The following SLC7A11 variants were observed in gnomAD, a reference collection of about 807,000 sequenced individuals.
SLC7A11 encodes the protein solute carrier family 7 member 11, also known as cystine/glutamate transporter.
SLC7A11 carries 35 observed loss-of-function variants against 54.5 expected under a neutral mutation model. The observed-to-expected ratio is 0.64, with a 90% CI of 0.49 to 0.85. The LOEUF (loss-of-function observed/expected upper bound fraction) is 0.85, where lower values mean the gene tolerates loss of function less well. SLC7A11 is among the 40% of genes least tolerant of loss of function. The pLI, the probability that SLC7A11 is intolerant of heterozygous loss-of-function variation, is 0.00. For missense variants in SLC7A11, 583 were observed against 618.1 expected, an observed-to-expected ratio of 0.94 and a Z score of 0.60; for synonymous variants, 230 against 225.2, an observed-to-expected ratio of 1.02 and a Z score of -0.19.
intron 3 of SLC7A11, among the ~76,000 whole-genome samples, chr4:138,230,096 A>T (rs1317630342): frequency 6.6e-6 from 1 of 152,168 alleles, no homozygotes; most frequent in Non-Finnish European, 1.5e-5. Flanking sequence ...TCTGACTGTG[A>T]TCATGTCTTC....
At chr4:138,219,936 C>A (rs1025984904) in intron 4 of SLC7A11, among the ~76,000 whole-genome samples, 1 of 104,636 alleles carries the variant, frequency 9.6e-6, no homozygotes, top group African/African-American at 3.2e-5. Context: ...AAACTGCAAG[C>A]CTTTCTTTTT....
Position 138,179,323 on chromosome 4 carries a change from G to T in SLC7A11, c.1338C>A (p.Asp446Glu), listed in dbSNP as rs1414792259. ...CGAAGCCAATCCCTGTACTAAATGG[G>T]TCCGAATAGAGGGAAAGGGCAACCA... ...LFMVALSLYSDPFSTGIGFVI... is the reference protein window; with the variant it reads ...LFMVALSLYSEPFSTGIGFVI... Residue 446 changes from aspartate to glutamate, a missense_variant, in exon 11 of 12, where the codon GAC becomes GAA. Transcript: ENST00000280612. 1 of 1,612,676 alleles carries T rather than the reference G, an allele frequency of 6.2e-7. No homozygotes were observed. Among genetic ancestry groups the T allele is most frequent in the East Asian group, 2.2e-5 (1 of 44,806 alleles).
intron 11 of SLC7A11, among the ~76,000 whole-genome samples, chr4:138,173,648 A>AG (rs1736493951): frequency 6.6e-6 from 1 of 151,918 alleles, no homozygotes. Context: ...AAAAAAAAAA[A>AG]GTATTTTTTT....
chr4:138,191,330 A>G (rs1481050553), intron 6 of SLC7A11, among the ~76,000 whole-genome samples: 1 of 152,186 alleles, frequency 6.6e-6, no homozygotes, highest in Non-Finnish European at 1.5e-5. Context: ...TTTAAATTTC[A>G]ATACCACTGA....
At chr4:138,235,414 A>T (rs928248869) in intron 2 of SLC7A11, among the ~76,000 whole-genome samples, 78 of 152,230 alleles carry the variant, frequency 5.1e-4, no homozygotes, top group African/African-American at 1.5e-3. Flanking sequence ...GGTTAAAAAA[A>T]AAAAGACTTC....
Position 138,242,152 on chromosome 4 carries a change from G to A in SLC7A11, c.-83C>T, listed in dbSNP as rs142859237. On this transcript the variant is annotated 5_prime_UTR_variant, in exon 1 of 12. Coordinates refer to ENST00000280612, the MANE Select transcript of SLC7A11 (RefSeq NM_014331.4). ...TTGGTGTCTCTTGGTGTTACTGATC[G>A]ATGTCTTCCTCTGCTTTCAGACTGT... The A allele has an allele frequency of 6.7e-4, 973 of 1,443,566 alleles. 1 individual carries two copies. Among genetic ancestry groups the A allele is most frequent in the Non-Finnish European group, 8.0e-4 (855 of 1,066,020 alleles). The allele number at this position is 1,443,566 out of a possible 1,614,324, so 89.4% of individuals were successfully genotyped here.
At chr4:138,221,912 C>T (rs6823797) in intron 4 of SLC7A11, among the ~76,000 whole-genome samples, 62,638 of 152,076 alleles carry the variant, frequency 0.41, 13,705 homozygotes, top group Middle Eastern at 0.61. Flanking sequence ...TTTTCAAATA[C>T]TGAAGAAACT....
At chr4:138,219,719 A>T (rs1278443347) in intron 4 of SLC7A11, among the ~76,000 whole-genome samples, 2 of 152,194 alleles carry the variant, frequency 1.3e-5, no homozygotes, top group Non-Finnish European at 2.9e-5. Flanking sequence ...TAAAAGATAG[A>T]ATTCTTAAAA....
chr4:138,208,567 T>A (rs1737464938), intron 6 of SLC7A11, among the ~76,000 whole-genome samples: 1 of 152,080 alleles, frequency 6.6e-6, no homozygotes, highest in Admixed American at 6.6e-5. Flanking sequence ...TCATTACACT[T>A]GCACAAGCAC....
chr4:138,216,710 T>C (rs1183463743), intron 5 of SLC7A11, among the ~76,000 whole-genome samples: 1 of 152,158 alleles, frequency 6.6e-6, no homozygotes, highest in Non-Finnish European at 1.5e-5. Flanking sequence ...AGGACAACAA[T>C]GGTCTTGCAG....
chr4:138,232,075 A>G (rs1388548077), intron 3 of SLC7A11, among the ~76,000 whole-genome samples, 192 bp downstream of exon 3: 1 of 152,208 alleles, frequency 6.6e-6, no homozygotes, highest in Non-Finnish European at 1.5e-5. Flanking sequence ...ATATCTATTG[A>G]CCAAATACAA....
intron 5 of SLC7A11, among the ~76,000 whole-genome samples, chr4:138,214,916 C>A (rs557448831): frequency 6.6e-6 from 1 of 152,236 alleles, no homozygotes; most frequent in East Asian, 1.9e-4. Context: ...AGTGCAGGTC[C>A]AATACTGGAG....
At chr4:138,227,825 A>T (rs1737979287) in intron 3 of SLC7A11, among the ~76,000 whole-genome samples, 1 of 151,988 alleles carries the variant, frequency 6.6e-6, no homozygotes, top group Non-Finnish European at 1.5e-5. Flanking sequence ...TTGTTTCCAC[A>T]TTTTGCATGT....
chr4:138,235,263 A>C (rs1738178551), intron 2 of SLC7A11, among the ~76,000 whole-genome samples: 1 of 152,202 alleles, frequency 6.6e-6, no homozygotes, highest in Non-Finnish European at 1.5e-5. Flanking sequence ...CAAAAGGAAT[A>C]GAAGTGCATT....
intron 6 of SLC7A11, among the ~76,000 whole-genome samples, chr4:138,199,312 T>C (rs1453121734): frequency 6.6e-6 from 1 of 152,084 alleles, no homozygotes; most frequent in Non-Finnish European, 1.5e-5. Context: ...TTTAAATTTG[T>C]TTATCTATTA....
Position 138,180,697 on chromosome 4 carries a change from C to T in SLC7A11, c.1210G>A (p.Val404Ile). 3 of 1,612,998 alleles carry T rather than the reference C, an allele frequency of 1.9e-6. No individual in the cohort carries two copies. The highest frequency in any genetic ancestry group is 1.7e-6 in the Non-Finnish European group (2 of 1,179,418). Residue 404 changes from valine to isoleucine, a missense_variant, in exon 10 of 12, where the codon GTT becomes ATT. Coordinates refer to ENST00000280612, the MANE Select transcript of SLC7A11 (RefSeq NM_014331.4). ...TATCGAAGATAAATCAGCCCAGCAACTGCCAGCCCAATAAAAAGCCACCTG... is the reference window on the plus strand; with the variant it reads ...TATCGAAGATAAATCAGCCCAGCAATTGCCAGCCCAATAAAAAGCCACCTG... Reference protein sequence around the residue: ...FARWLFIGLAVAGLIYLRYKC... With the variant: ...FARWLFIGLAIAGLIYLRYKC...
At chr4:138,175,460 G>A (rs1187172331) in intron 11 of SLC7A11, among the ~76,000 whole-genome samples, 1 of 152,100 alleles carries the variant, frequency 6.6e-6, no homozygotes, top group African/African-American at 2.4e-5. Flanking sequence ...AGGTTTGCCA[G>A]GTCTTGCTAT....
At chr4:138,189,177 C>T (rs201298497) in intron 6 of SLC7A11, among the ~76,000 whole-genome samples, 254 of 152,178 alleles carry the variant, frequency 1.7e-3, no homozygotes, top group African/African-American at 5.9e-3. Flanking sequence ...TGATAGGCCT[C>T]CCCAGAAATG....
In SLC7A11 at chr4:138,170,188, C is replaced by G. The variant is rs1736374296; in HGVS notation, c.*1768G>C. On this transcript the variant is annotated 3_prime_UTR_variant, in exon 12 of 12. Coordinates refer to ENST00000280612, the MANE Select transcript of SLC7A11 (RefSeq NM_014331.4). ...TTCAAAATTTCATCATTATATTACT[C>G]TCATTTGTAAGTTCCACTATATATA... 7.6e-6 allele frequency: 1 copy of G among 131,138 alleles called. No homozygotes were observed. The highest frequency in any genetic ancestry group is 2.7e-5 in the African/African-American group (1 of 36,786). 8.1% of individuals were successfully genotyped at this position (131,138 alleles called of 1,614,324 possible).
Sources: gnomAD v4.1 joint callset for allele counts (sites outside exome capture counted in the v4.1 genomes callset) on GRCh38, gnomAD v4.1.1 for gene constraint, MANE v1.5 for transcripts, NCBI Gene and HGNC (gene_info 2026-07-23, HGNC 2026-07-21) for gene names.